The following EPHA6 variants were observed in gnomAD, a reference collection of about 807,000 sequenced individuals.
The protein encoded by EPHA6 is ephrin type-A receptor 6.
In EPHA6, 50 loss-of-function variants were observed where a neutral mutation model predicts 112.0. That is an observed-to-expected ratio of 0.45 (90% CI 0.36 to 0.56). The LOEUF is 0.56. Ranked by LOEUF, EPHA6 falls within the 20% of genes least tolerant of loss-of-function variation. EPHA6 has a pLI of 0.00. For synonymous variants in EPHA6, 529 were observed against 490.7 expected (o/e 1.08, Z -1.03); for missense variants, 1,280 against 1,417.4 (o/e 0.90, Z 1.56).
intron 5 of EPHA6, among the ~76,000 whole-genome samples, chr3:97,279,398 G>C (rs193214886): frequency 1.9e-4 from 29 of 152,002 alleles, no homozygotes; most frequent in Admixed American, 9.8e-4. Flanking sequence ...TCTCTAACAA[G>C]GGTGACTAAC....
At chr3:97,685,628 T>G (rs748251504) in intron 14 of EPHA6, among the ~76,000 whole-genome samples, 3 of 152,118 alleles carry the variant, frequency 2.0e-5, no homozygotes, top group Admixed American at 6.6e-5. Context: ...TCTTAAAAAC[T>G]TTGACTGGAA....
chr3:97,001,022 A>ACACATGATG (rs2043640187), intron 3 of EPHA6, among the ~76,000 whole-genome samples: 1 of 148,162 alleles, frequency 6.7e-6, no homozygotes, highest in Non-Finnish European at 1.5e-5. Flanking sequence ...AAATTGATAT[A>ACACATGATG]TATATATATG....
chr3:96,858,875 T>C (rs1433126289), intron 1 of EPHA6, among the ~76,000 whole-genome samples: 1 of 152,114 alleles, frequency 6.6e-6, no homozygotes, highest in Non-Finnish European at 1.5e-5. Context: ...CATAACCCAT[T>C]CTGTGCTCAA....
At position 97,554,552 on chromosome 3, in the gene EPHA6, T is replaced by C. The variant is rs147380335; in HGVS notation, c.2386+22009T>C. Reference sequence around the variant, plus strand: ...GTCTAAATGGCAATACAAAGCTTTTTGGTGGGTCCATAATCAGGGGGTGGC... The same window carrying C: ...GTCTAAATGGCAATACAAAGCTTTTCGGTGGGTCCATAATCAGGGGGTGGC... On this transcript the variant is annotated intron_variant, in intron 11 of 17. Coordinates refer to ENST00000389672, the MANE Select transcript of EPHA6 (RefSeq NM_001080448.3). Among the ~76,000 whole-genome samples the C allele has an allele frequency of 5.4e-3, 825 of 152,212 alleles. 4 individuals carry two copies. Among genetic ancestry groups the C allele is most frequent in the African/African-American group, 0.017 (702 of 41,562 alleles).
At chr3:97,192,736 T>C (rs1414027375) in intron 3 of EPHA6, among the ~76,000 whole-genome samples, 1 of 152,194 alleles carries the variant, frequency 6.6e-6, no homozygotes, top group Non-Finnish European at 1.5e-5. Flanking sequence ...GTGTTTTCTT[T>C]TAGTAGCTTC....
At chr3:97,097,004 A>G (rs1182852338) in intron 3 of EPHA6, among the ~76,000 whole-genome samples, 1 of 151,746 alleles carries the variant, frequency 6.6e-6, no homozygotes, top group East Asian at 1.9e-4. Context: ...TTTAAATAAA[A>G]ATTCAAATTC....
chr3:97,448,701 A>G lies in EPHA6; in HGVS notation c.1865A>G (p.Gln622Arg). The G allele has an allele frequency of 1.9e-6, 3 of 1,613,506 alleles. No individual in the cohort carries two copies. Among genetic ancestry groups the G allele is most frequent in the Non-Finnish European group, 2.5e-6 (3 of 1,179,532 alleles). The change falls in exon 7 of 18, where the codon CAG becomes CGG. Residue 622 changes from glutamine (Q) to arginine (R), a missense_variant. By Grantham distance (43) the Gln-to-Arg change is conservative (BLOSUM62 1). Coordinates refer to ENST00000389672, the MANE Select transcript of EPHA6 (RefSeq NM_001080448.3). Reference protein sequence around the residue: ...RTATGYSGYSQKFEFETGDET... With the variant: ...RTATGYSGYSRKFEFETGDET... The stretch of plus-strand genomic sequence containing the variant: ...GCGACAGGATACAGTGGCTACAGTC[A>G]GAAATTTGAATTTGAAACAGGAGAT...
intron 14 of EPHA6, among the ~76,000 whole-genome samples, chr3:97,644,989 G>C (rs1435385022): frequency 1.3e-5 from 2 of 151,658 alleles, no homozygotes; most frequent in Admixed American, 1.3e-4. Context: ...AACCAAAAAA[G>C]AGAATTTTAG....
chr3:97,109,352 G>C (rs59194927), intron 3 of EPHA6, among the ~76,000 whole-genome samples: 1,943 of 152,200 alleles, frequency 0.013, 37 homozygotes, highest in African/African-American at 0.045. Context: ...ATACTTGCTG[G>C]ATTCATAAGT....
chr3:97,644,982 C>G (rs2094045405), intron 14 of EPHA6, among the ~76,000 whole-genome samples: 1 of 151,246 alleles, frequency 6.6e-6, no homozygotes, highest in African/African-American at 2.4e-5. Context: ...GAGACACAAC[C>G]AAAAAAGAGA....
chr3:97,101,786 A>G (rs1576490309), intron 3 of EPHA6, among the ~76,000 whole-genome samples: 1 of 152,136 alleles, frequency 6.6e-6, no homozygotes, highest in East Asian at 1.9e-4. Context: ...AGTTTAATGC[A>G]AAAGATTGAT....
At chr3:97,384,146 G>A (rs887384218) in intron 5 of EPHA6, among the ~76,000 whole-genome samples, 20 of 151,950 alleles carry the variant, frequency 1.3e-4, no homozygotes, top group South Asian at 4.2e-4. Context: ...GTTGTCTTTC[G>A]TCCACAACAA....
intron 3 of EPHA6, among the ~76,000 whole-genome samples, chr3:97,223,531 G>T (rs1356600652): frequency 6.6e-6 from 1 of 152,160 alleles, no homozygotes; most frequent in Non-Finnish European, 1.5e-5. Context: ...AGGAACAAAA[G>T]GTAGGAAATG....
intron 2 of EPHA6, among the ~76,000 whole-genome samples, chr3:96,888,297 C>T (rs1239806238): frequency 6.6e-6 from 1 of 152,180 alleles, no homozygotes; most frequent in African/African-American, 2.4e-5. Flanking sequence ...CTCGGCTCTC[C>T]AAATTGACTC....
chr3:97,603,923 C>G (rs2107423808), intron 12 of EPHA6, among the ~76,000 whole-genome samples: 1 of 151,872 alleles, frequency 6.6e-6, no homozygotes, highest in East Asian at 1.9e-4. Flanking sequence ...ACCTTATTAG[C>G]TCTGCAAACC....
chr3:97,574,110 A>G (rs1356882552), intron 11 of EPHA6, among the ~76,000 whole-genome samples: 1 of 152,144 alleles, frequency 6.6e-6, no homozygotes, highest in Non-Finnish European at 1.5e-5. Flanking sequence ...GCAACTCAAA[A>G]GAAAGTTTTT....
rs546268842 is a variant in EPHA6, at chr3:96,867,703, A to T, written c.450+814A>T. On this transcript the variant is annotated intron_variant, in intron 2 of 17. Coordinates refer to ENST00000389672, the MANE Select transcript of EPHA6 (RefSeq NM_001080448.3). ...TAATTTTCTTATTAATCACATTCTTAGTTGACATTTTCACATTGCTTCTTC... is the reference window on the plus strand; with the variant it reads ...TAATTTTCTTATTAATCACATTCTTTGTTGACATTTTCACATTGCTTCTTC... Among the ~76,000 whole-genome samples the T allele has an allele frequency of 1.6e-4, 24 of 151,826 alleles. 1 individual carries two copies. The South Asian group carries it at 3.9e-3, about 25-fold the overall frequency.
At chr3:97,667,430 T>C (rs1242148505) in intron 14 of EPHA6, among the ~76,000 whole-genome samples, 1 of 152,176 alleles carries the variant, frequency 6.6e-6, no homozygotes, top group East Asian at 1.9e-4. Context: ...TATAATTTGA[T>C]TCTTTAATAT....
rs1347758733 is a variant in EPHA6 at position 96,823,480 on chromosome 3, TA to T, written c.385+8476del. On this transcript the variant is annotated intron_variant, in intron 1 of 17. Transcript: ENST00000389672. ...TCCATTGCTGACAAACAATCTTAGCTAAAACTTTTTTTAATATTAAAAATCT... is the reference window on the plus strand; with the variant it reads ...TCCATTGCTGACAAACAATCTTAGCTAAACTTTTTTTAATATTAAAAATCT... Among the ~76,000 whole-genome samples, 7 of 151,366 alleles carry T rather than the reference TA, an allele frequency of 4.6e-5. No individual in the cohort carries two copies. The South Asian group carries it at 1.5e-3, about 32-fold the overall frequency.
Sources: allele counts gnomAD v4.1 joint callset (sites outside exome capture counted in the v4.1 genomes callset), GRCh38; gene constraint gnomAD v4.1.1; transcripts MANE v1.5; gene names NCBI Gene and HGNC (gene_info 2026-07-23, HGNC 2026-07-21).